Variants in GRIPAP1 observed in about 807,000 individuals in gnomAD.
The protein encoded by GRIPAP1 is GRIP1-associated protein 1.
In GRIPAP1, 14 loss-of-function variants were observed where a neutral mutation model predicts 84.1. That is an observed-to-expected ratio of 0.17 (90% CI 0.11 to 0.26). GRIPAP1 has a LOEUF of 0.26. Ranked by LOEUF, GRIPAP1 falls within the 10% of genes least tolerant of loss-of-function variation. The probability of loss-of-function intolerance (pLI) is 1.00; values close to 1 mark genes in which losing one functional copy is unlikely to be tolerated. For synonymous variants in GRIPAP1, 261 were observed against 256.8 expected, an observed-to-expected ratio of 1.02 and a Z score of -0.15; for missense variants, 518 against 674.2, an observed-to-expected ratio of 0.77 and a Z score of 2.57.
chrX:48,979,488 A>AG (rs2064442868), intron 21 of GRIPAP1, among the ~76,000 whole-genome samples: 1 of 88,729 alleles, frequency 1.1e-5, no homozygotes, highest in Admixed American at 1.2e-4. Flanking sequence ...CAAAAAAAAA[A>AG]AAAAAAAAAA....
rs781975978 is a variant in GRIPAP1 at position 48,990,934 on chromosome X, C to T, written c.634G>A (p.Gly212Ser). ...AACAGACTCAGATTCACCTCTAAGC[C>T]TTGCAGCTGTTCCCAGAGCAATCTC... Reference protein sequence around the residue: ...EKRLLWEQLQGLESSKQAETS... With the variant: ...EKRLLWEQLQSLESSKQAETS... The change falls in exon 7 of 26, where the codon GGC becomes AGC. Residue 212 changes from glycine to serine, a missense_variant. Transcript: ENST00000376423. The T allele has an allele frequency of 1.1e-5, 13 of 1,158,064 alleles. No homozygotes were observed. The highest frequency in any genetic ancestry group is 1.8e-5 in the African/African-American group (1 of 55,984).
intron 13 of GRIPAP1, among the ~76,000 whole-genome samples, chrX:48,986,368 T>C (rs2064487873): frequency 9.0e-6 from 1 of 110,705 alleles, no homozygotes; most frequent in African/African-American, 3.3e-5. Context: ...GGTAACATAG[T>C]GAGACCCTGT....
At chrX:48,996,729 G>A (rs2064548847) in intron 5 of GRIPAP1, among the ~76,000 whole-genome samples, 1 of 111,798 alleles carries the variant, frequency 8.9e-6, no homozygotes, top group Non-Finnish European at 1.9e-5. Flanking sequence ...GAAGATAGAT[G>A]AGGGAACAAA....
At position 48,988,125 on chromosome X, in the gene GRIPAP1, T is replaced by C. The variant is rs781864221; in HGVS notation, c.944A>G (p.Asp315Gly). The C allele has an allele frequency of 8.4e-7, 1 of 1,191,361 alleles. No homozygotes were observed. Among genetic ancestry groups the C allele is most frequent in the Admixed American group, 2.3e-5 (1 of 44,001 alleles). The stretch of plus-strand genomic sequence containing the variant: ...AGCCCACGCAGTACAATATACCTGA[T>C]CTTGTAGGGCCCGCAAAGCTGCTGC... ...EHAAALRALQ[D>G]QVSIQSADAQ... The change falls in exon 12 of 26, where the codon GAT becomes GGT. Residue 315 changes from aspartate to glycine, a missense_variant. Asp to Gly is a moderately conservative substitution (Grantham distance 94, BLOSUM62 -1). Transcript: ENST00000376423.
Position 48,981,249 on chromosome X carries a change from C to A in GRIPAP1, c.1896G>T (p.Leu632=), listed in dbSNP as rs140420053. ...TCTTGCTGTTAGTGAGGATGTCCTG[C>A]AGTCGCTCCTGCAGCTTATCTGCCC... ...RKRADKLQER[L]QDILTNSKSR... Residue 632 remains leucine, a synonymous_variant, in exon 21 of 26, where the codon CTG becomes CTT. Transcript: ENST00000376423. 12 of 1,209,153 alleles carry A rather than the reference C, an allele frequency of 9.9e-6. No homozygotes were observed. The highest frequency in any genetic ancestry group is 1.7e-5 in the African/African-American group (1 of 57,374).
intron 6 of GRIPAP1, chrX:48,991,318 C>T (rs1264590386): frequency 4.8e-6 from 2 of 412,763 alleles, no homozygotes; most frequent in Non-Finnish European, 8.4e-6. Flanking sequence ...CTTGCTCTGT[C>T]ACCCAGGCTG....
intron 21 of GRIPAP1, among the ~76,000 whole-genome samples, chrX:48,979,607 GATTATT>G (rs1174500944): frequency 3.8e-5 from 4 of 105,905 alleles, no homozygotes; most frequent in Admixed American, 1.0e-4. Context: ...CGTTTCCCAA[GATTATT>G]ATTATTATTA....
At chrX:48,999,322 A>T (rs1318060286) in intron 2 of GRIPAP1, 23 bp from the exon 3 acceptor site, 2 of 1,186,413 alleles carry the variant, frequency 1.7e-6, no homozygotes, top group Admixed American at 4.4e-5. Flanking sequence ...AAGCAGGGAA[A>T]CTCAGCCTCA....
chrX:48,993,552 C>T lies in GRIPAP1; in HGVS notation c.333G>A (p.Glu111=), dbSNP rs1297281360. Reference sequence around the variant, plus strand: ...CCTCCTTCAGTTGCTGGTTCTCTTGCTCCAGCTGTTCCATCTGGCTGCAGA... The same window carrying T: ...CCTCCTTCAGTTGCTGGTTCTCTTGTTCCAGCTGTTCCATCTGGCTGCAGA... ...SKLCSQMEQL[E]QENQQLKEGA... is the part of the protein sequence containing the mutation. The change falls in exon 6 of 26, where the codon GAG becomes GAA. Residue 111 remains glutamate, a synonymous_variant. Transcript: ENST00000376423. 4 of 1,174,305 alleles carry T rather than the reference C, an allele frequency of 3.4e-6. No individual in the cohort carries two copies. The highest frequency in any genetic ancestry group is 1.8e-5 in the African/African-American group (1 of 56,334).
rs2064551230 is a variant in GRIPAP1, at chrX:48,997,139, G to A, written c.306+111C>T. The A allele has an allele frequency of 2.2e-5, 11 of 510,195 alleles. No homozygotes were observed. The Middle Eastern group carries it at 1.6e-3, about 76-fold the overall frequency. The allele number at this position is 510,195 out of a possible 1,213,427, so 42.0% of individuals were successfully genotyped here. ...AATCCAGGACCTGTTTCAGCACCAC[G>A]GACAGTGCTCCAGGGCCAGACCCTG... On this transcript the variant is annotated intron_variant, in intron 5 of 25. Transcript: ENST00000376423.
intron 1 of GRIPAP1, among the ~76,000 whole-genome samples, chrX:49,001,363 C>A (rs1459238423): frequency 9.7e-6 from 1 of 103,200 alleles, no homozygotes; most frequent in East Asian, 3.2e-4. Flanking sequence ...CAGACCCCCC[C>A]CCCAGTGAGG....
chrX:48,980,412 C>A (rs1361055983), intron 21 of GRIPAP1, among the ~76,000 whole-genome samples: 1 of 110,364 alleles, frequency 9.1e-6, no homozygotes, highest in Non-Finnish European at 1.9e-5. Flanking sequence ...ATATCAGGGA[C>A]CCTGTACTTG....
chrX:48,988,780 G>A (rs2064505549), intron 11 of GRIPAP1: 1 of 112,574 alleles, frequency 8.9e-6, no homozygotes, highest in South Asian at 3.6e-4. Flanking sequence ...CAGTCTCTTG[G>A]AATCTTCAGA....
Position 48,996,722 on chromosome X carries a change from G to A in GRIPAP1, c.306+528C>T, listed in dbSNP as rs192139895. Among the ~76,000 whole-genome samples, 577 of 111,806 alleles carry A rather than the reference G, an allele frequency of 5.2e-3. 1 individual carries two copies. The highest frequency in any genetic ancestry group is 7.2e-3 in the Non-Finnish European group (384 of 53,187). ...ACAATTATCAACTGTGGATACAGAA[G>A]ATAGATGAGGGAACAAAAGACAATG... On this transcript the variant is annotated intron_variant, in intron 5 of 25. Coordinates refer to ENST00000376423, the MANE Select transcript of GRIPAP1 (RefSeq NM_020137.5).
At position 48,990,689 on chromosome X, in the gene GRIPAP1, G is replaced by C; in HGVS notation, c.686C>G (p.Ala229Gly). The change falls in exon 8 of 26, where the codon GCT becomes GGT. Residue 229 changes from alanine to glycine, a missense_variant. Transcript: ENST00000376423. Reference sequence around the variant, plus strand: ...GAAAGAGCCAAGCAGCCGCACCTTAGCAAGTTCCTCCTGCAGCCTGGATGT... The same window carrying C: ...GAAAGAGCCAAGCAGCCGCACCTTACCAAGTTCCTCCTGCAGCCTGGATGT... ...AETSRLQEEL[A>G]KLSEKLKKKQ... The C allele has an allele frequency of 8.3e-7, 1 of 1,199,552 alleles. No individual in the cohort carries two copies. The highest frequency in any genetic ancestry group is 1.1e-6 in the Non-Finnish European group (1 of 887,443).
chrX:49,001,498 C>A (rs2064579839), intron 1 of GRIPAP1, among the ~76,000 whole-genome samples: 2 of 110,273 alleles, frequency 1.8e-5, no homozygotes, highest in African/African-American at 6.6e-5. Context: ...TCCTTGTAGT[C>A]CAAGGTATCA....
chrX:48,986,703 G>C (rs1177111646), intron 13 of GRIPAP1, among the ~76,000 whole-genome samples: 1 of 110,968 alleles, frequency 9.0e-6, no homozygotes, highest in Non-Finnish European at 1.9e-5. Context: ...CCTAATTTTT[G>C]TATTTTTAGT....
chrX:48,976,175 C>T (rs782566154), intron 23 of GRIPAP1, 64 bp from the exon 24 acceptor site: 6 of 1,188,829 alleles, frequency 5.0e-6, no homozygotes, highest in Admixed American at 4.7e-5. Flanking sequence ...GAGGCGGGCC[C>T]GGGCAGACCC....
At position 48,981,122 on chromosome X, in the gene GRIPAP1, A is replaced by C. The variant is rs781920801; in HGVS notation, c.1930+93T>G. On this transcript the variant is annotated intron_variant, in intron 21 of 25. Coordinates refer to ENST00000376423, the MANE Select transcript of GRIPAP1 (RefSeq NM_020137.5). ...CAGAGCGACAGAAGCAGGAAAGCAC[A>C]GCTGAGGAAGATGCAGGACTAACCT... 137 of 594,843 alleles carry C rather than the reference A, an allele frequency of 2.3e-4. 1 individual carries two copies. The highest frequency in any genetic ancestry group is 3.8e-4 in the Non-Finnish European group (136 of 360,936). 49.0% of individuals were successfully genotyped at this position (594,843 alleles called of 1,213,427 possible).
Sources: allele counts gnomAD v4.1 joint callset (sites outside exome capture counted in the v4.1 genomes callset), GRCh38; gene constraint gnomAD v4.1.1; transcripts MANE v1.5; gene names NCBI Gene and HGNC (gene_info 2026-07-23, HGNC 2026-07-21).